The following GALNT13 variants were observed in gnomAD, a reference collection of about 807,000 sequenced individuals.
The protein encoded by GALNT13 is UDP-GalNAc:polypeptide N-acetylgalactosaminyltransferase 13.
GALNT13 carries 28 observed loss-of-function variants against 64.2 expected under a neutral mutation model. That is an observed-to-expected ratio of 0.44 (90% CI 0.32 to 0.60). The LOEUF is 0.60. GALNT13 is among the 20% of genes least tolerant of loss of function. The pLI is 0.05. For synonymous variants in GALNT13, 214 were observed against 224.6 expected, an observed-to-expected ratio of 0.95 and a Z score of 0.42; for missense variants, 577 against 669.8, an observed-to-expected ratio of 0.86 and a Z score of 1.53.
At chr2:153,279,906 C>A in the GALNT13 span, among the ~76,000 whole-genome samples, 1 of 151,960 alleles carries the variant, frequency 6.6e-6, no homozygotes, top group African/African-American at 2.4e-5. Context: ...AGTGTCCTTC[C>A]TGCTCAAACT....
At chr2:153,348,694 T>C in the GALNT13 span, among the ~76,000 whole-genome samples, 6 of 152,222 alleles carry the variant, frequency 3.9e-5, no homozygotes, top group Admixed American at 3.9e-4. Context: ...GTCTGTGTGT[T>C]TTGAGATTTT....
At chr2:153,630,164 T>G in the GALNT13 span, among the ~76,000 whole-genome samples, 50 of 151,910 alleles carry the variant, frequency 3.3e-4, no homozygotes, top group African/African-American at 1.0e-3. Flanking sequence ...ACCCAAAGGA[T>G]TATAAGTCAT....
chr2:154,129,227 G>A (rs1245463627), intron 3 of GALNT13, among the ~76,000 whole-genome samples: 1 of 152,192 alleles, frequency 6.6e-6, no homozygotes, highest in South Asian at 2.1e-4. Context: ...CAGAGTACAC[G>A]CATAGATACA....
the GALNT13 span, among the ~76,000 whole-genome samples, chr2:153,853,734 T>C: frequency 6.7e-6 from 1 of 150,042 alleles, no homozygotes; most frequent in Non-Finnish European, 1.5e-5. Context: ...AATTGTATTA[T>C]ACAATTGTAT....
the GALNT13 span, among the ~76,000 whole-genome samples, chr2:153,766,884 A>C: frequency 6.6e-6 from 1 of 151,744 alleles, no homozygotes; most frequent in South Asian, 2.1e-4. Flanking sequence ...TTTAGGGTCC[A>C]TTATCGGAGT....
In GALNT13 at chr2:154,451,726, A is replaced by G. The variant is rs972352744; in HGVS notation, c.*1175A>G. On this transcript the variant is annotated 3_prime_UTR_variant, in exon 13 of 13. Transcript: ENST00000392825. Reference sequence around the variant, plus strand: ...CTCATCTTAAAACCCTTTATGTTCAAAATACATTAGCAGAGGCCATGAAAG... The same window carrying G: ...CTCATCTTAAAACCCTTTATGTTCAGAATACATTAGCAGAGGCCATGAAAG... 2.0e-5 allele frequency: 3 copies of G among 152,070 alleles called. No individual in the cohort carries two copies. Among genetic ancestry groups the G allele is most frequent in the South Asian group, 2.1e-4 (1 of 4,824 alleles). The allele number at this position is 152,070 out of a possible 1,614,324, so 9.4% of individuals were successfully genotyped here. A position where few individuals can be genotyped will look rare whatever the true frequency, so the allele number is the denominator to read the frequency against.
the GALNT13 span, among the ~76,000 whole-genome samples, chr2:153,225,795 T>A: frequency 1.3e-5 from 2 of 152,170 alleles, no homozygotes; most frequent in Non-Finnish European, 2.9e-5. Flanking sequence ...GTGTGGAAAA[T>A]TCTAAAACAC....
the GALNT13 span, among the ~76,000 whole-genome samples, chr2:153,785,876 G>C: frequency 6.6e-6 from 1 of 152,088 alleles, no homozygotes; most frequent in Non-Finnish European, 1.5e-5. Context: ...TGGGGACCAG[G>C]GTTTGGTCCT....
rs903003109 is a variant in GALNT13 at position 154,155,488 on chromosome 2, A to G, written c.311+14983A>G. ...TACTTCTCACTATTTTTTGCCCCAG[A>G]TGTTTTCTGTGCACATACCAGTTTC... On this transcript the variant is annotated intron_variant, in intron 4 of 12. Transcript: ENST00000392825. 5.3e-5 allele frequency among the ~76,000 whole-genome samples: 8 copies of G among 152,088 alleles called. No individual in the cohort carries two copies. In the South Asian group the frequency reaches 1.0e-3, roughly 20 times the overall value.
At chr2:154,136,855 C>A (rs1379565044) in intron 3 of GALNT13, among the ~76,000 whole-genome samples, 1 of 151,886 alleles carries the variant, frequency 6.6e-6, no homozygotes, top group Non-Finnish European at 1.5e-5. Flanking sequence ...CATCCATATT[C>A]AAATCAACAA....
At chr2:154,375,534 G>A (rs1697939034) in intron 9 of GALNT13, among the ~76,000 whole-genome samples, 1 of 152,046 alleles carries the variant, frequency 6.6e-6, no homozygotes. Context: ...CCACTAGCCT[G>A]GGAAATTTAT....
chr2:153,207,264 G>T, the GALNT13 span, among the ~76,000 whole-genome samples: 1 of 151,996 alleles, frequency 6.6e-6, no homozygotes, highest in Admixed American at 6.6e-5. Flanking sequence ...TCCATGATGC[G>T]TTTTACATAT....
chr2:154,288,723 G>A (rs985168875), intron 8 of GALNT13, among the ~76,000 whole-genome samples: 1 of 152,202 alleles, frequency 6.6e-6, no homozygotes, highest in Non-Finnish European at 1.5e-5. Flanking sequence ...TCACATCCAG[G>A]TCTTGCTGAT....
the GALNT13 span, among the ~76,000 whole-genome samples, chr2:153,702,907 T>A: frequency 0.16 from 24,111 of 151,996 alleles, 2,662 homozygotes; most frequent in African/African-American, 0.31. Context: ...GCATGAAAAG[T>A]CCAAGGATTA....
chr2:154,346,903 T>C (rs1559103984), intron 9 of GALNT13, among the ~76,000 whole-genome samples: 1 of 152,132 alleles, frequency 6.6e-6, no homozygotes, highest in Non-Finnish European at 1.5e-5. Context: ...ATAGATTTGA[T>C]ACATAATTGT....
the GALNT13 span, among the ~76,000 whole-genome samples, chr2:153,856,893 TAA>T: frequency 1.2e-3 from 190 of 152,292 alleles, no homozygotes; most frequent in African/African-American, 4.4e-3. Context: ...CGTGGATCTA[TAA>T]GTTATAGAAC....
the GALNT13 span, among the ~76,000 whole-genome samples, chr2:153,740,568 T>C: frequency 6.6e-6 from 1 of 152,128 alleles, no homozygotes; most frequent in African/African-American, 2.4e-5. Context: ...TCTAGTCTTA[T>C]TAAATTTTTC....
intron 3 of GALNT13, among the ~76,000 whole-genome samples, chr2:154,067,536 CAAAG>C (rs977461556): frequency 6.6e-6 from 1 of 151,436 alleles, no homozygotes; most frequent in Non-Finnish European, 1.5e-5. Flanking sequence ...TAAGAAGAGA[CAAAG>C]AAGTTTATTA....
At chr2:153,765,065 T>A in the GALNT13 span, among the ~76,000 whole-genome samples, 4 of 152,224 alleles carry the variant, frequency 2.6e-5, no homozygotes, top group African/African-American at 9.6e-5. Flanking sequence ...GACGTAGTCC[T>A]CATGAAAAAT....
Sources: gnomAD v4.1 joint callset for allele counts (sites outside exome capture counted in the v4.1 genomes callset) on GRCh38, gnomAD v4.1.1 for gene constraint, MANE v1.5 for transcripts, NCBI Gene and HGNC (gene_info 2026-07-23, HGNC 2026-07-21) for gene names.